Variants in TRIM29 observed in about 807,000 individuals in gnomAD.
The protein encoded by TRIM29 is tripartite motif containing 29, also known as tripartite motif-containing protein 29.
In TRIM29, 52 loss-of-function variants were observed where a neutral mutation model predicts 57.3. The ratio of observed to expected loss-of-function variants is 0.91; its 90% confidence interval spans 0.73 to 1.14. TRIM29 has a LOEUF of 1.14. Among genes scored for constraint, TRIM29 ranks in the 50% most tolerant of loss-of-function variants. The pLI, the probability that TRIM29 is intolerant of heterozygous loss-of-function variation, is 0.00. For synonymous variants in TRIM29, 319 were observed against 316.9 expected (o/e 1.01, Z -0.07); for missense variants, 753 against 774.6 (o/e 0.97, Z 0.33).
chr11:120,117,749 G>A (rs1191849229), intron 7 of TRIM29: 1 of 182,080 alleles, frequency 5.5e-6, no homozygotes, highest in Non-Finnish European at 1.2e-5. Context: ...AAGAGGATCA[G>A]CCTTGGGGGG....
In TRIM29 at chr11:120,137,901, T is replaced by C; in HGVS notation, c.131A>G (p.Asn44Ser). 1 of 1,610,786 alleles carries C rather than the reference T, an allele frequency of 6.2e-7. No individual in the cohort carries two copies. The highest frequency in any genetic ancestry group is 8.5e-7 in the Non-Finnish European group (1 of 1,180,002). The change falls in exon 1 of 9, where the codon AAC becomes AGC. Residue 44 changes from asparagine to serine, a missense_variant. Transcript: ENST00000341846. This position sits in a 1 kb window ranked among gnomAD's most constrained non-coding sequence, Gnocchi z 6.2. Reference sequence around the variant, plus strand: ...CTCAGCTGCCTCCCCGCCGTGCCCGTTGGTGGTCTTGGCATCCTTGCCGTC... The same window carrying C: ...CTCAGCTGCCTCCCCGCCGTGCCCGCTGGTGGTCTTGGCATCCTTGCCGTC... ...KADGKDAKTT[N>S]GHGGEAAEGK... is the part of the protein sequence containing the mutation.
intron 1 of TRIM29, chr11:120,128,890 C>T (rs879264526): frequency 6.2e-6 from 9 of 1,440,762 alleles, no homozygotes; most frequent in Admixed American, 2.2e-5. Context: ...CCAGCTCAGC[C>T]CAGCCCAGCC....
chr11:120,133,885 G>A (rs1863765308), intron 1 of TRIM29, among the ~76,000 whole-genome samples: 1 of 152,150 alleles, frequency 6.6e-6, no homozygotes. Flanking sequence ...TCCTAGCTGA[G>A]TGACCTCCAC....
rs765392140 is a variant in TRIM29, at chr11:120,137,713, C to A, written c.319G>T (p.Ala107Ser). The stretch of plus-strand genomic sequence containing the variant: ...TTGGCAGCCCCCAGCTGGAGCCCTG[C>A]GTACGGCGACCTCTTGCCTTCCATA... ...DSMEGKRSPY[A>S]GLQLGAAKKP... The change falls in exon 1 of 9, where the codon GCA (alanine) becomes TCA (serine). Residue 107 changes from alanine to serine, a missense_variant. By Grantham distance (99) the Ala-to-Ser change is moderately conservative. Coordinates refer to ENST00000341846, the MANE Select transcript of TRIM29 (RefSeq NM_012101.4). This position sits in a 1 kb window ranked among gnomAD's most constrained non-coding sequence, Gnocchi z 6.2. The A allele has an allele frequency of 6.2e-7, 1 of 1,612,788 alleles. No individual in the cohort carries two copies. Among genetic ancestry groups the A allele is most frequent in the Non-Finnish European group, 8.5e-7 (1 of 1,180,026 alleles).
In TRIM29 at chr11:120,138,033, G is replaced by A. The variant is rs1413934912; in HGVS notation, c.-2C>T. 3.8e-6 allele frequency: 6 copies of A among 1,593,004 alleles called. No individual in the cohort carries two copies. Among genetic ancestry groups the A allele is most frequent in the African/African-American group, 1.3e-5 (1 of 74,812 alleles). On this transcript the variant is annotated 5_prime_UTR_variant, in exon 1 of 9. Coordinates refer to ENST00000341846, the MANE Select transcript of TRIM29 (RefSeq NM_012101.4). ...CCTGGAGGCATCTGCAGCTTCCATC[G>A]CAGGGTGCTTGGCTGAGCTGTTTCA...
At chr11:120,115,275 G>A in intron 8 of TRIM29, 63 bp downstream of exon 8, 3 of 1,536,922 alleles carry the variant, frequency 2.0e-6, no homozygotes, top group African/African-American at 2.7e-5. Context: ...TGCCTCCAGG[G>A]AGCCCCCTTC....
intron 1 of TRIM29, among the ~76,000 whole-genome samples, chr11:120,132,718 A>G (rs1468076603): frequency 6.6e-6 from 1 of 152,202 alleles, no homozygotes; most frequent in African/African-American, 2.4e-5. Context: ...CGGCTGTGAC[A>G]TTTGCCAAAT....
At chr11:120,120,044 C>A (rs978260731) in intron 6 of TRIM29, among the ~76,000 whole-genome samples, 4 of 152,086 alleles carry the variant, frequency 2.6e-5, no homozygotes, top group African/African-American at 9.7e-5. Flanking sequence ...CCAGGGCCAG[C>A]CCCATTTCCT....
chr11:120,117,933 G>C (rs1200630043), intron 7 of TRIM29: 2 of 439,868 alleles, frequency 4.5e-6, no homozygotes, highest in Admixed American at 3.8e-5. Context: ...TCGAGTGCAG[G>C]GGGTATGGCA....
At chr11:120,123,342 G>A in intron 4 of TRIM29, 3 of 609,362 alleles carry the variant, frequency 4.9e-6, no homozygotes, top group Non-Finnish European at 9.2e-6. Flanking sequence ...CCTTTACAAG[G>A]TGCTATTAAT....
At chr11:120,116,653 G>C (rs561807151) in intron 7 of TRIM29, 1 of 154,208 alleles carries the variant, frequency 6.5e-6, no homozygotes, top group African/African-American at 2.4e-5. Context: ...GGGATCCTGA[G>C]TGGAGATTAA....
intron 5 of TRIM29, chr11:120,121,218 G>A (rs753068795): frequency 3.3e-5 from 8 of 242,160 alleles, no homozygotes; most frequent in East Asian, 1.1e-4. Context: ...CCCCATTTCC[G>A]GCCCTGCCAG....
intron 1 of TRIM29, among the ~76,000 whole-genome samples, chr11:120,132,218 C>G (rs1383493112): frequency 1.3e-5 from 2 of 151,636 alleles, no homozygotes; most frequent in Non-Finnish European, 2.9e-5. Flanking sequence ...CCTTTTGCCC[C>G]CGCTTCCCTC....
chr11:120,128,743 T>C (rs1463692781), intron 1 of TRIM29: 1 of 1,535,444 alleles, frequency 6.5e-7, no homozygotes. Flanking sequence ...CTGGATATCC[T>C]AGCCATGTCT....
At chr11:120,113,658 A>G (rs557401601) in intron 8 of TRIM29, 49 of 456,250 alleles carry the variant, frequency 1.1e-4, no homozygotes, top group Non-Finnish European at 1.9e-4. Context: ...TAAACCACCT[A>G]TTAAACAAAG....
At position 120,137,820 on chromosome 11, in the gene TRIM29, G is replaced by T; in HGVS notation, c.212C>A (p.Ala71Glu). 6.2e-7 allele frequency: 1 copy of T among 1,612,466 alleles called. No homozygotes were observed. Among genetic ancestry groups the T allele is most frequent in the South Asian group, 1.1e-5 (1 of 91,082 alleles). Residue 71 changes from alanine to glutamate, a missense_variant, in exon 1 of 9, where the codon GCG (alanine) becomes GAG (glutamate). Transcript: ENST00000341846. This position sits in a 1 kb window ranked among gnomAD's most constrained non-coding sequence, Gnocchi z 6.2. The stretch of plus-strand genomic sequence containing the variant: ...GATGGGTCGCCGCCACTCATTGCCC[G>T]CGAACAGGGCGCTCCTACCTTCCCC... ...KPGEGRSALF[A>E]GNEWRRPIIQ...
rs1291511454 is a variant in TRIM29, at chr11:120,112,152, C to T, written c.*262G>A. 6.6e-6 allele frequency: 3 copies of T among 451,654 alleles called. No homozygotes were observed. The highest frequency in any genetic ancestry group is 8.1e-6 in the Non-Finnish European group (2 of 248,330). 28.0% of individuals were successfully genotyped at this position (451,654 alleles called of 1,614,324 possible). A position where few individuals can be genotyped will look rare whatever the true frequency, so the allele number is the denominator to read the frequency against. ...AGGGCAGGCCCCAACCTATCTCACC[C>T]CTGTGATGGGTTGGCCTCTGAGCAC... On this transcript the variant is annotated 3_prime_UTR_variant, in exon 9 of 9. Transcript: ENST00000341846.
At chr11:120,127,941 T>C (rs1863631393) in intron 2 of TRIM29, among the ~76,000 whole-genome samples, 1 of 152,208 alleles carries the variant, frequency 6.6e-6, no homozygotes, top group Non-Finnish European at 1.5e-5. Flanking sequence ...GAAATGTGTA[T>C]TCAGAAAATG....
intron 5 of TRIM29, chr11:120,120,931 T>G: frequency 1.8e-6 from 1 of 544,418 alleles, no homozygotes; most frequent in Non-Finnish European, 3.4e-6. Flanking sequence ...AGCAGTAGGC[T>G]CTCAGCCACG....
Sources: allele counts gnomAD v4.1 joint callset (sites outside exome capture counted in the v4.1 genomes callset), GRCh38; gene constraint gnomAD v4.1.1; non-coding constraint Gnocchi (gnomAD v3.1); transcripts MANE v1.5; gene names NCBI Gene and HGNC (gene_info 2026-07-23, HGNC 2026-07-21).